The following RBM12B variants were observed in gnomAD, a reference collection of about 807,000 sequenced individuals.
RBM12B encodes RNA binding motif protein 12B, also known as RNA-binding protein 12B.
A neutral mutation model predicts 34.3 loss-of-function variants in RBM12B; 10 were observed. That is an observed-to-expected ratio of 0.29 (90% CI 0.18 to 0.49). The LOEUF is 0.49. Among genes scored for constraint, RBM12B ranks in the 20% least tolerant of loss-of-function variants. The pLI is 0.99. For synonymous variants in RBM12B, 477 were observed against 437.1 expected, an observed-to-expected ratio of 1.09 and a Z score of -1.14; for missense variants, 1,139 against 1,262.7, an observed-to-expected ratio of 0.90 and a Z score of 1.48.
At position 93,729,541 on chromosome 8, in the gene RBM12B, A is replaced by G. The variant is rs965106678; in HGVS notation, c.*3864T>C. The stretch of plus-strand genomic sequence containing the variant: ...TTGTTTGTAAAGTTAAAACTGCGTA[A>G]AACAGTAATTCTGGAATAAAACATA... On this transcript the variant is annotated 3_prime_UTR_variant, in exon 4 of 4. Coordinates refer to ENST00000520560, the MANE Select transcript of RBM12B (RefSeq NM_001377960.1). The G allele has an allele frequency of 9.8e-5, 15 of 152,286 alleles. No individual in the cohort carries two copies. Among genetic ancestry groups the G allele is most frequent in the Middle Eastern group, 3.4e-3 (1 of 294 alleles). The allele number at this position is 152,286 out of a possible 1,614,324, so 9.4% of individuals were successfully genotyped here.
At position 93,735,321 on chromosome 8, in the gene RBM12B, G is replaced by T. The variant is rs1354170346; in HGVS notation, c.1090C>A (p.Leu364Met). 1 of 1,613,912 alleles carries T rather than the reference G, an allele frequency of 6.2e-7. No individual in the cohort carries two copies. Reference sequence around the variant, plus strand: ...TTTTCATAACGTGCAATGAACTTCAGCATTTGTTTTCTAGAAATTGGATCA... The same window carrying T: ...TTTTCATAACGTGCAATGAACTTCATCATTTGTTTTCTAGAAATTGGATCA... ...HIDPISRKQM[L>M]KFIARYEKKR... The change falls in exon 4 of 4, where the codon CTG (leucine) becomes ATG (methionine). Residue 364 changes from leucine to methionine, a missense_variant. Physicochemically the swap from Leu to Met is conservative, Grantham distance 15 (BLOSUM62 2). Transcript: ENST00000520560.
intron 3 of RBM12B, 98 bp downstream of exon 3, chr8:93,737,209 T>TA (rs200080339): frequency 0.01 from 1,501 of 149,768 alleles, 14 homozygotes; most frequent in Middle Eastern, 0.018. Context: ...CCTGTCTTTT[T>TA]AAAAAAAAAA....
Position 93,734,377 on chromosome 8 carries a change from GGGCCGTCTCCAGTCCTCCTCAGGT to G in RBM12B, c.2010_2033del (p.Trp675_Asp682del), listed in dbSNP as rs1414675835. On this transcript the variant is annotated inframe_deletion, in exon 4 of 4. Transcript: ENST00000520560. ...GAGGCCGCCTAAAGTCCTCCTCTGGGGGCCGTCTCCAGTCCTCCTCAGGTGGCCGCCTGAAATCTTCCTCTGGGA... is the reference window on the plus strand; with the variant it reads ...GAGGCCGCCTAAAGTCCTCCTCTGGGGGCCGCCTGAAATCTTCCTCTGGGA... 9 of 1,611,364 alleles carry G rather than the reference GGGCCGTCTCCAGTCCTCCTCAGGT, an allele frequency of 5.6e-6. No individual in the cohort carries two copies. The highest frequency in any genetic ancestry group is 2.2e-5 in the East Asian group (1 of 44,668).
At position 93,733,221 on chromosome 8, in the gene RBM12B, G is replaced by A. The variant is rs1475585013; in HGVS notation, c.*184C>T. On this transcript the variant is annotated 3_prime_UTR_variant, in exon 4 of 4. Coordinates refer to ENST00000520560, the MANE Select transcript of RBM12B (RefSeq NM_001377960.1). The stretch of plus-strand genomic sequence containing the variant: ...TAATTTTAAATTTGAAAAAAAAAAA[G>A]AATGGCAATTTGCAAGCAAAAGAAA... 49 of 381,354 alleles carry A rather than the reference G, an allele frequency of 1.3e-4. No individual in the cohort carries two copies. Among genetic ancestry groups the A allele is most frequent in the South Asian group, 5.2e-4 (4 of 7,620 alleles). The allele number at this position is 381,354 out of a possible 1,614,324, so 23.6% of individuals were successfully genotyped here.
At chr8:93,738,714 C>G (rs1354400792) in intron 2 of RBM12B, among the ~76,000 whole-genome samples, 1 of 152,336 alleles carries the variant, frequency 6.6e-6, no homozygotes, top group Middle Eastern at 3.4e-3. Context: ...CAGCTCACCT[C>G]AGCCTCCCAC....
At chr8:93,740,010 C>T in intron 2 of RBM12B, 1 of 289,852 alleles carries the variant, frequency 3.5e-6, no homozygotes, top group East Asian at 9.4e-5. Flanking sequence ...AGTCATTTTC[C>T]AGATATGGTG....
In RBM12B at chr8:93,732,924, C is replaced by A. The variant is rs1280181324; in HGVS notation, c.*481G>T. 6.6e-6 allele frequency: 1 copy of A among 152,064 alleles called. No individual in the cohort carries two copies. Among genetic ancestry groups the A allele is most frequent in the Non-Finnish European group, 1.5e-5 (1 of 68,072 alleles). The allele number at this position is 152,064 out of a possible 1,614,324, so 9.4% of individuals were successfully genotyped here. On this transcript the variant is annotated 3_prime_UTR_variant, in exon 4 of 4. Coordinates refer to ENST00000520560, the MANE Select transcript of RBM12B (RefSeq NM_001377960.1). ...TATTTATAATTAACAGGACACTTAA[C>A]ACAGTAATATCTTAGACAAGGAAGA...
rs764574628 is a variant in RBM12B at position 93,735,865 on chromosome 8, T to C, written c.546A>G (p.Gly182=). ...CATCATGATGTTTTAAGAAAATTAC[T>C]CCATCCACGCACAAACCAGAGAAAA... is the stretch of plus-strand genomic sequence containing the variant. The part of the protein sequence containing the change: ...RVFFSGLCVD[G]VIFLKHHDGR... The change falls in exon 4 of 4, where the codon GGA becomes GGG. Residue 182 remains glycine, a synonymous_variant. Transcript: ENST00000520560. 32 of 1,613,914 alleles carry C rather than the reference T, an allele frequency of 2.0e-5. No individual in the cohort carries two copies. The highest frequency in any genetic ancestry group is 3.4e-6 in the Non-Finnish European group (4 of 1,180,030).
At position 93,734,405 on chromosome 8, in the gene RBM12B, C is replaced by T. The variant is rs369115962; in HGVS notation, c.2006G>A (p.Arg669Gln). 2.0e-5 allele frequency: 32 copies of T among 1,612,072 alleles called. No individual in the cohort carries two copies. Among genetic ancestry groups the T allele is most frequent in the African/African-American group, 6.7e-5 (5 of 74,260 alleles). Residue 669 changes from arginine (R) to glutamine (Q), a missense_variant, in exon 4 of 4, where the codon CGG (arginine) becomes CAG (glutamine). Arg to Gln is a conservative substitution (Grantham distance 43). Coordinates refer to ENST00000520560, the MANE Select transcript of RBM12B (RefSeq NM_001377960.1). ...CCGTCTCCAGTCCTCCTCAGGTGGC[C>T]GCCTGAAATCTTCCTCTGGGAGCCA... ...LRWLPEEDFRRPPEEDWRRPP... is the reference protein window; with the variant it reads ...LRWLPEEDFRQPPEEDWRRPP...
In RBM12B at chr8:93,736,351, A is replaced by G; in HGVS notation, c.60T>C (p.Arg20=). 1 of 1,613,000 alleles carries G rather than the reference A, an allele frequency of 6.2e-7. No individual in the cohort carries two copies. Among genetic ancestry groups the G allele is most frequent in the Non-Finnish European group, 8.5e-7 (1 of 1,179,832 alleles). Residue 20 remains arginine, a synonymous_variant, in exon 4 of 4, where the codon CGT becomes CGC. Coordinates refer to ENST00000520560, the MANE Select transcript of RBM12B (RefSeq NM_001377960.1). ...LPFIAGPVDI[R]HFFTGLTIPD... ...GAATAGTCAATCCCGTGAAGAAGTG[A>G]CGAATATCCACAGGCCCCGCAATAA...
Position 93,735,452 on chromosome 8 carries a change from T to C in RBM12B, c.959A>G (p.Asp320Gly), listed in dbSNP as rs1272537728. 1.2e-6 allele frequency: 2 copies of C among 1,613,318 alleles called. No individual in the cohort carries two copies. The highest frequency in any genetic ancestry group is 1.1e-5 in the South Asian group (1 of 91,070). Residue 320 changes from aspartate to glycine, a missense_variant, in exon 4 of 4, where the codon GAT becomes GGT. Physicochemically the swap from Asp to Gly is moderately conservative, Grantham distance 94 (BLOSUM62 -1). Coordinates refer to ENST00000520560, the MANE Select transcript of RBM12B (RefSeq NM_001377960.1). ...AAAGGCATATCTTGTTCTATTTTCA[T>C]CTTTATATAAAAACCTAATCTGTTC... ...TDEQIRFLYK[D>G]ENRTRYAFVM...
rs199743134 is a variant in RBM12B, at chr8:93,735,527, A to G, written c.884T>C (p.Ile295Thr). The G allele has an allele frequency of 2.9e-5, 47 of 1,613,922 alleles. No homozygotes were observed. The highest frequency in any genetic ancestry group is 1.6e-4 in the Middle Eastern group (1 of 6,084). ...GAAATTTCTTAAATCTCTTTCGTCA[A>G]TACTGAGGGACAGATTTTTTAAGTG... ...YVHLKNLSLS[I>T]DERDLRNFFR... The change falls in exon 4 of 4, where the codon ATT (isoleucine) becomes ACT (threonine). Residue 295 changes from isoleucine (I) to threonine (T), a missense_variant. Coordinates refer to ENST00000520560, the MANE Select transcript of RBM12B (RefSeq NM_001377960.1).
At chr8:93,737,511 G>A (rs911218171) in intron 2 of RBM12B, among the ~76,000 whole-genome samples, 156 bp from the exon 3 acceptor site, 2 of 152,076 alleles carry the variant, frequency 1.3e-5, no homozygotes, top group Non-Finnish European at 2.9e-5. Flanking sequence ...TTTGTTCCAA[G>A]GGGAAATTAA....
In RBM12B at chr8:93,728,258, C is replaced by T. The variant is rs200614366; in HGVS notation, c.*5147G>A. The T allele has an allele frequency of 7.0e-5, 111 of 1,596,672 alleles. 1 individual carries two copies. The South Asian group carries it at 8.2e-4, about 12-fold the overall frequency. On this transcript the variant is annotated 3_prime_UTR_variant, in exon 4 of 4. Transcript: ENST00000520560. ...AACAAGCAGAAGATGATGAGGATGACGAGTTAGATGTTACAGAAGAAGAAA... is the reference window on the plus strand; with the variant it reads ...AACAAGCAGAAGATGATGAGGATGATGAGTTAGATGTTACAGAAGAAGAAA...
At position 93,734,558 on chromosome 8, in the gene RBM12B, T is replaced by G; in HGVS notation, c.1853A>C (p.Asp618Ala). 1 of 1,613,402 alleles carries G rather than the reference T, an allele frequency of 6.2e-7. No individual in the cohort carries two copies. The highest frequency in any genetic ancestry group is 8.5e-7 in the Non-Finnish European group (1 of 1,179,816). Residue 618 changes from aspartate to alanine, a missense_variant, in exon 4 of 4, where the codon GAC becomes GCC. By Grantham distance (126) the Asp-to-Ala change is moderately radical. Coordinates refer to ENST00000520560, the MANE Select transcript of RBM12B (RefSeq NM_001377960.1). ...EDDFRHPREE[D>A]WRRPLEEDWR... ...GTCCTCCTCAAGGGGCCTCCTCCAG[T>G]CCTCCTCCCTAGGGTGCCTGAAGTC... is the stretch of plus-strand genomic sequence containing the variant.
At position 93,733,891 on chromosome 8, in the gene RBM12B, A is replaced by G. The variant is rs1220240822; in HGVS notation, c.2520T>C (p.Asp840=). The change falls in exon 4 of 4, where the codon GAT becomes GAC. Residue 840 remains aspartate (D), a synonymous_variant. Transcript: ENST00000520560. ...CCTCTGGGAGCTGCCTGAAGTCCTC[A>G]TCAGAAGGGCATCTAAAATCTTCCT... ...PQEEDFRCPS[D]EDFRQLPEED... 2 of 1,608,290 alleles carry G rather than the reference A, an allele frequency of 1.2e-6. No homozygotes were observed. The highest frequency in any genetic ancestry group is 1.7e-6 in the Non-Finnish European group (2 of 1,177,798).
chr8:93,736,663 C>T (rs972211984), intron 3 of RBM12B, among the ~76,000 whole-genome samples: 4 of 152,178 alleles, frequency 2.6e-5, no homozygotes, highest in African/African-American at 4.8e-5. Flanking sequence ...AGAAACATTT[C>T]GTATCACCTA....
At position 93,728,511 on chromosome 8, in the gene RBM12B, T is replaced by A. The variant is rs1393497469; in HGVS notation, c.*4894A>T. On this transcript the variant is annotated 3_prime_UTR_variant, in exon 4 of 4. Transcript: ENST00000520560. ...ATCCTACCTAGTGTTACATGATTTTTGTGTAAGTGCCTTTTTTTTTAAAGA... is the reference window on the plus strand; with the variant it reads ...ATCCTACCTAGTGTTACATGATTTTAGTGTAAGTGCCTTTTTTTTTAAAGA... The A allele has an allele frequency of 2.6e-6, 1 of 387,036 alleles. No individual in the cohort carries two copies. The highest frequency in any genetic ancestry group is 4.6e-6 in the Non-Finnish European group (1 of 216,032). 24.0% of individuals were successfully genotyped at this position (387,036 alleles called of 1,614,324 possible).
chr8:93,735,884 G>A lies in RBM12B; in HGVS notation c.527C>T (p.Ser176Phe). 6.2e-7 allele frequency: 1 copy of A among 1,613,982 alleles called. No individual in the cohort carries two copies. Among genetic ancestry groups the A allele is most frequent in the Non-Finnish European group, 8.5e-7 (1 of 1,180,012 alleles). ...VNEDDVRVFF[S>F]GLCVDGVIFL... Reference sequence around the variant, plus strand: ...AATTACTCCATCCACGCACAAACCAGAGAAAAAGACACGTACATCATCTTC... The same window carrying A: ...AATTACTCCATCCACGCACAAACCAAAGAAAAAGACACGTACATCATCTTC... The change falls in exon 4 of 4, where the codon TCT (serine) becomes TTT (phenylalanine). Residue 176 changes from serine to phenylalanine, a missense_variant. This residue lies in a region of RBM12B where 216 missense variants were observed against 292.2 expected (regional missense o/e 0.74). Transcript: ENST00000520560.
Sources: allele counts gnomAD v4.1 joint callset (sites outside exome capture counted in the v4.1 genomes callset), GRCh38; gene constraint gnomAD v4.1.1; regional missense constraint gnomAD v4.1.1; transcripts MANE v1.5; gene names NCBI Gene and HGNC (gene_info 2026-07-23, HGNC 2026-07-21).